ANKS4B: variants seen among roughly 807,000 people sequenced by gnomAD.
The protein encoded by ANKS4B is ankyrin repeat and SAM domain-containing protein 4B.
Under a neutral mutation model 20.2 loss-of-function variants are expected in ANKS4B, and 21 were observed. The ratio of observed to expected loss-of-function variants is 1.04; its 90% CI spans 0.74 to 1.50. The LOEUF is 1.50. Ranked by LOEUF, ANKS4B falls within the 40% of genes most tolerant of loss-of-function variation. ANKS4B has a pLI of 0.00. For missense variants in ANKS4B, 473 were observed against 494.6 expected, an observed-to-expected ratio of 0.96 and a Z score of 0.41; for synonymous variants, 179 against 194.5, an observed-to-expected ratio of 0.92 and a Z score of 0.66.
chr16:21,235,075 T>A (rs1158518525), intron 1 of ANKS4B, among the ~76,000 whole-genome samples: 1 of 152,160 alleles, frequency 6.6e-6, no homozygotes, highest in East Asian at 1.9e-4. Flanking sequence ...CTTCAACTTA[T>A]GAGCTCAAGC....
At position 21,250,104 on chromosome 16, in the gene ANKS4B, T is replaced by C; in HGVS notation, c.538T>C (p.Phe180Leu). The C allele has an allele frequency of 6.2e-7, 1 of 1,614,218 alleles. No homozygotes were observed. Among genetic ancestry groups the C allele is most frequent in the Admixed American group, 1.7e-5 (1 of 60,026 alleles). ...SGTLSSSKGT[F>L]SRSSPSNASA... ...GACTCTCTCTTCTTCCAAGGGTACC[T>C]TCTCCAGATCATCCCCTTCAAATGC... Residue 180 changes from phenylalanine to leucine, a missense_variant, in exon 2 of 2, where the codon TTC becomes CTC. By Grantham distance (22) the Phe-to-Leu change is conservative. Coordinates refer to ENST00000311620, the MANE Select transcript of ANKS4B (RefSeq NM_145865.3).
At chr16:21,246,251 A>G (rs1567226645) in intron 1 of ANKS4B, among the ~76,000 whole-genome samples, 1 of 152,190 alleles carries the variant, frequency 6.6e-6, no homozygotes, top group Non-Finnish European at 1.5e-5. Flanking sequence ...TTGGTTAGTA[A>G]CTTAGAACTT....
chr16:21,234,033 G>C (rs1204794889), intron 1 of ANKS4B, 132 bp downstream of exon 1: 3 of 921,002 alleles, frequency 3.3e-6, no homozygotes, highest in African/African-American at 3.4e-5. Context: ...TGGATTTTTA[G>C]AGAAAGAGAG....
intron 1 of ANKS4B, among the ~76,000 whole-genome samples, chr16:21,247,996 AC>A (rs2093334359): frequency 6.6e-6 from 1 of 152,060 alleles, no homozygotes; most frequent in African/African-American, 2.4e-5. Context: ...ACTGTTTGCT[AC>A]CTCTCCAACA....
At chr16:21,242,124 T>A (rs1167809777) in intron 1 of ANKS4B, among the ~76,000 whole-genome samples, 2 of 152,230 alleles carry the variant, frequency 1.3e-5, no homozygotes, top group African/African-American at 4.8e-5. Flanking sequence ...TCACTGAAAT[T>A]TTGTATCCTT....
chr16:21,244,623 C>T (rs763868774), intron 1 of ANKS4B, among the ~76,000 whole-genome samples: 6 of 152,092 alleles, frequency 3.9e-5, no homozygotes, highest in South Asian at 2.1e-4. Flanking sequence ...TTGATAGTAA[C>T]GTCTTGGGTG....
chr16:21,239,235 G>C (rs576408186), intron 1 of ANKS4B, among the ~76,000 whole-genome samples: 9 of 152,090 alleles, frequency 5.9e-5, no homozygotes, highest in Non-Finnish European at 1.0e-4. Context: ...ACTACCATTC[G>C]AGCCAGCAAT....
chr16:21,235,093 C>T (rs1164686708), intron 1 of ANKS4B, among the ~76,000 whole-genome samples: 3 of 152,184 alleles, frequency 2.0e-5, no homozygotes, highest in Non-Finnish European at 4.4e-5. Flanking sequence ...AGCGATCTGA[C>T]AGCCTCGGTC....
At chr16:21,249,542 T>C (rs1597607618) in intron 1 of ANKS4B, among the ~76,000 whole-genome samples, 189 bp from the exon 2 acceptor site, 1 of 152,224 alleles carries the variant, frequency 6.6e-6, no homozygotes, top group East Asian at 1.9e-4. Flanking sequence ...TTTCTGGCCA[T>C]GTGGTTTTAA....
chr16:21,250,210 C>T lies in ANKS4B; in HGVS notation c.644C>T (p.Thr215Ile). 1 of 1,614,124 alleles carries T rather than the reference C, an allele frequency of 6.2e-7. No homozygotes were observed. Among genetic ancestry groups the T allele is most frequent in the Admixed American group, 1.7e-5 (1 of 60,020 alleles). Residue 215 changes from threonine (T) to isoleucine (I), a missense_variant, in exon 2 of 2, where the codon ACA becomes ATA. Physicochemically the swap from Thr to Ile is moderately conservative, Grantham distance 89. Coordinates refer to ENST00000311620, the MANE Select transcript of ANKS4B (RefSeq NM_145865.3). ...ATCAAGTTCAAGAAGAACAAAGATA[C>T]AGCAGAACAGGTGGGGAAGGAAGGC... ...FKIKFKKNKD[T>I]AEQVGKEGRS...
Position 21,235,085 on chromosome 16 carries a change from C to T in ANKS4B, c.164+1184C>T, listed in dbSNP as rs149538742. On this transcript the variant is annotated intron_variant, in intron 1 of 1. Transcript: ENST00000311620. ...ATGGTCTTCAACTTATGAGCTCAAG[C>T]GATCTGACAGCCTCGGTCTCCCAAA... 5.3e-5 allele frequency among the ~76,000 whole-genome samples: 8 copies of T among 152,184 alleles called. No individual in the cohort carries two copies. The East Asian group carries it at 9.7e-4, about 18-fold the overall frequency.
At chr16:21,235,618 G>A (rs1217994866) in intron 1 of ANKS4B, among the ~76,000 whole-genome samples, 1 of 152,188 alleles carries the variant, frequency 6.6e-6, no homozygotes, top group Non-Finnish European at 1.5e-5. Context: ...GATATGGTTG[G>A]ATTTGAGTGG....
intron 1 of ANKS4B, among the ~76,000 whole-genome samples, chr16:21,242,589 A>G (rs1220429576): frequency 6.6e-6 from 1 of 152,128 alleles, no homozygotes; most frequent in Non-Finnish European, 1.5e-5. Flanking sequence ...AGGCTCATCC[A>G]TGTTGTCGAA....
chr16:21,250,873 C>T lies in ANKS4B; in HGVS notation c.*53C>T. 2 of 1,529,458 alleles carry T rather than the reference C, an allele frequency of 1.3e-6. No homozygotes were observed. The highest frequency in any genetic ancestry group is 1.8e-6 in the Non-Finnish European group (2 of 1,136,638). 94.7% of individuals were successfully genotyped at this position (1,529,458 alleles called of 1,614,324 possible). ...GTGATGCTGTGGCCCGCTGGCAGCA[C>T]TCCAGGCGGCACCCCCTCTTTACCC... On this transcript the variant is annotated 3_prime_UTR_variant, in exon 2 of 2. Transcript: ENST00000311620.
intron 1 of ANKS4B, among the ~76,000 whole-genome samples, chr16:21,241,549 T>A (rs1002284303): frequency 2.0e-5 from 3 of 152,008 alleles, no homozygotes; most frequent in Admixed American, 6.6e-5. Flanking sequence ...GTAGCTGGGG[T>A]TACAGGCACA....
At chr16:21,245,614 A>G (rs928405270) in intron 1 of ANKS4B, among the ~76,000 whole-genome samples, 1 of 151,906 alleles carries the variant, frequency 6.6e-6, no homozygotes, top group Non-Finnish European at 1.5e-5. Flanking sequence ...ACAGGCGCGC[A>G]CCACCATGCC....
chr16:21,236,301 C>A (rs1034422359), intron 1 of ANKS4B, among the ~76,000 whole-genome samples: 1 of 152,146 alleles, frequency 6.6e-6, no homozygotes, highest in African/African-American at 2.4e-5. Flanking sequence ...TTCGCCCCCA[C>A]GATCCAGTCA....
At chr16:21,248,820 C>G (rs2093335382) in intron 1 of ANKS4B, among the ~76,000 whole-genome samples, 1 of 152,148 alleles carries the variant, frequency 6.6e-6, no homozygotes, top group Admixed American at 6.5e-5. Context: ...ATACATTTCA[C>G]TCTTACCTGT....
intron 1 of ANKS4B, among the ~76,000 whole-genome samples, chr16:21,249,331 C>T (rs2093335867): frequency 1.3e-5 from 2 of 152,200 alleles, no homozygotes; most frequent in Non-Finnish European, 2.9e-5. Context: ...AAAAAATTAG[C>T]TAGGTGTCAT....
Sources: gnomAD v4.1 joint callset for allele counts (sites outside exome capture counted in the v4.1 genomes callset) on GRCh38, gnomAD v4.1.1 for gene constraint, MANE v1.5 for transcripts, NCBI Gene and HGNC (gene_info 2026-07-23, HGNC 2026-07-21) for gene names.